Variants in STAG3 observed in about 807,000 individuals in gnomAD.
STAG3 encodes STAG3 cohesin complex component.
A neutral mutation model predicts 160.7 loss-of-function variants in STAG3; 101 were observed. The ratio of observed to expected loss-of-function variants is 0.63; its 90% CI spans 0.54 to 0.74. The LOEUF is 0.74. STAG3 is among the 30% of genes least tolerant of loss of function. The pLI is 0.00. For missense variants in STAG3, 1,188 were observed against 1,517.4 expected, an observed-to-expected ratio of 0.78 and a Z score of 3.61; for synonymous variants, 519 against 585.0, an observed-to-expected ratio of 0.89 and a Z score of 1.63.
At chr7:100,178,103 C>A (rs1231890774) in intron 1 of STAG3, 98 bp downstream of exon 1, 2 of 137,336 alleles carry the variant, frequency 1.5e-5, no homozygotes, top group East Asian at 2.2e-4. Context: ...CGCGACCCTC[C>A]CGGCCCTGAC....
intron 29 of STAG3, 103 bp downstream of exon 29, chr7:100,205,487 G>T: frequency 8.3e-7 from 1 of 1,206,066 alleles, no homozygotes; most frequent in South Asian, 1.7e-5. Flanking sequence ...TGTCATTCAG[G>T]GTATTAATTT....
intron 25 of STAG3, among the ~76,000 whole-genome samples, chr7:100,202,933 T>C (rs897989366): frequency 6.6e-6 from 1 of 152,160 alleles, no homozygotes; most frequent in African/African-American, 2.4e-5. Context: ...GATACCTAGA[T>C]AGGTGCCCCA....
chr7:100,189,066 TTCCTC>T, intron 7 of STAG3, 50 bp downstream of exon 7: 3 of 1,591,206 alleles, frequency 1.9e-6, no homozygotes, highest in Non-Finnish European at 2.6e-6. Flanking sequence ...TTATAGGACT[TTCCTC>T]TGTTCTCTGA....
At chr7:100,187,305 G>T (rs1435756498) in intron 5 of STAG3, among the ~76,000 whole-genome samples, 1 of 151,738 alleles carries the variant, frequency 6.6e-6, no homozygotes, top group Non-Finnish European at 1.5e-5. Flanking sequence ...TTACAGGCAT[G>T]AGCCATCGCG....
At chr7:100,182,374 AAAG>A (rs1167120471) in intron 3 of STAG3, among the ~76,000 whole-genome samples, 182 bp downstream of exon 3, 8 of 152,134 alleles carry the variant, frequency 5.3e-5, no homozygotes, top group Non-Finnish European at 1.0e-4. Context: ...AAAAAAAAGA[AAAG>A]AAAACCTAAA....
At chr7:100,189,646 A>T in intron 8 of STAG3, 50 bp downstream of exon 8, 1 of 1,577,106 alleles carries the variant, frequency 6.3e-7, no homozygotes, top group Non-Finnish European at 8.6e-7. Context: ...ACTTGCACCC[A>T]CTTCTGCCAC....
rs754258333 is a variant in STAG3 at position 100,195,289 on chromosome 7, C to T, written c.868-20C>T. ...TGTTAGGGTACAAGAAAGATTAACC[C>T]GTTTCTCCCTGTCCTCCAGCTCCAA... is the stretch of plus-strand genomic sequence containing the variant. On this transcript the variant is annotated intron_variant, in intron 8 of 33. Coordinates refer to ENST00000615138, the MANE Select transcript of STAG3 (RefSeq NM_001282717.2). 23 of 1,611,716 alleles carry T rather than the reference C, an allele frequency of 1.4e-5. No homozygotes were observed. The highest frequency in any genetic ancestry group is 1.7e-4 in the Middle Eastern group (1 of 6,060).
At chr7:100,180,465 G>C (rs1799571906) in intron 1 of STAG3, 28 bp from the exon 2 acceptor site, 1 of 762,416 alleles carries the variant, frequency 1.3e-6, no homozygotes, top group Non-Finnish European at 2.4e-6. Flanking sequence ...TGCTGTGGTA[G>C]GAGCCCTTTC....
At position 100,199,473 on chromosome 7, in the gene STAG3, G is replaced by A. The variant is rs956597291; in HGVS notation, c.1574-68G>A. ...CAAGGCAGCAACGGTGGCATCGGGT[G>A]GGGGGAGCTTGGAGTTGGAAGGTGG... On this transcript the variant is annotated intron_variant, in intron 15 of 33. Coordinates refer to ENST00000615138, the MANE Select transcript of STAG3 (RefSeq NM_001282717.2). The A allele has an allele frequency of 7.7e-6, 12 of 1,550,494 alleles. No homozygotes were observed. In the Admixed American group the frequency reaches 2.0e-4, roughly 26 times the overall value.
chr7:100,215,513 TGTG>T (rs1443263217), downstream of STAG3, among the ~76,000 whole-genome samples: 1 of 152,170 alleles, frequency 6.6e-6, no homozygotes, highest in Non-Finnish European at 1.5e-5. Flanking sequence ...GAGCCTGTTT[TGTG>T]GGATGAGGGA....
At chr7:100,192,253 A>G (rs1349414282) in intron 8 of STAG3, among the ~76,000 whole-genome samples, 3 of 152,336 alleles carry the variant, frequency 2.0e-5, no homozygotes, top group Non-Finnish European at 1.5e-5. Context: ...GGCCAGGCAC[A>G]GTGGCTCACA....
chr7:100,197,782 G>A lies in STAG3; in HGVS notation c.1070G>A (p.Arg357Gln), dbSNP rs759868692. 6 of 1,613,604 alleles carry A rather than the reference G, an allele frequency of 3.7e-6. No individual in the cohort carries two copies. Among genetic ancestry groups the A allele is most frequent in the South Asian group, 2.2e-5 (2 of 91,028 alleles). ...CTGGTTTTCCCTCCTCACCAGCACC[G>A]AGAAGTCCGCCTGAAGTGTGTGAAG... is the stretch of plus-strand genomic sequence containing the variant. ...YIGWTLHDKH[R>Q]EVRLKCVKAL... The change falls in exon 11 of 34, where the codon CGA (arginine) becomes CAA (glutamine). Residue 357 changes from arginine (R) to glutamine (Q), a missense_variant. By Grantham distance (43) the Arg-to-Gln change is conservative (BLOSUM62 1). Around this residue, in one of 4 missense-constraint regions of STAG3, gnomAD observed 240 missense variants for 358.1 expected, o/e 0.67. Transcript: ENST00000615138.
At chr7:100,189,284 G>C (rs1233713561) in intron 7 of STAG3, among the ~76,000 whole-genome samples, 161 bp from the exon 8 acceptor site, 1 of 152,164 alleles carries the variant, frequency 6.6e-6, no homozygotes, top group Non-Finnish European at 1.5e-5. Flanking sequence ...GGGTTCGAGG[G>C]AAACAGTCCA....
rs750996354 is a variant in STAG3 at position 100,211,470 on chromosome 7, T to A, written c.3449T>A (p.Phe1150Tyr). 12 of 1,613,800 alleles carry A rather than the reference T, an allele frequency of 7.4e-6. No individual in the cohort carries two copies. Among genetic ancestry groups the A allele is most frequent in the Admixed American group, 1.7e-5 (1 of 59,986 alleles). The change falls in exon 31 of 34, where the codon TTC becomes TAC. Residue 1150 changes from phenylalanine (F) to tyrosine (Y), a missense_variant. Around this residue, in one of 4 missense-constraint regions of STAG3, gnomAD observed 647 missense variants for 717.2 expected, o/e 0.90. Transcript: ENST00000615138. ...QPVAGTERSR[F>Y]LGPQYFQTPH... ...GTCGCAGGCACCGAGAGGTCAAGGT[T>A]CTTGGGTCCACAATATTTCCAGACT...
At chr7:100,184,667 C>T (rs941177058) in intron 4 of STAG3, among the ~76,000 whole-genome samples, 1 of 151,920 alleles carries the variant, frequency 6.6e-6, no homozygotes, top group Admixed American at 6.6e-5. Context: ...GGGGTTTCAC[C>T]GTGTTGGCCG....
Position 100,204,684 on chromosome 7 carries a change from T to G in STAG3, c.2860T>G (p.Phe954Val). Reference protein sequence around the residue: ...GPQGLNELPAFIEMRDLARRF... With the variant: ...GPQGLNELPAVIEMRDLARRF... ...CCAGGGCCTGAATGAGCTTCCTGCC[T>G]TCATCGAGATGAGGGACCTGGCCCG... The change falls in exon 27 of 34, where the codon TTC (phenylalanine) becomes GTC (valine). Residue 954 changes from phenylalanine to valine, a missense_variant. By Grantham distance (50) the Phe-to-Val change is conservative. This residue lies in a region of STAG3 where 647 missense variants were observed against 717.2 expected (regional missense o/e 0.90). Coordinates refer to ENST00000615138, the MANE Select transcript of STAG3 (RefSeq NM_001282717.2). 6.2e-7 allele frequency: 1 copy of G among 1,614,150 alleles called. No homozygotes were observed. Among genetic ancestry groups the G allele is most frequent in the Non-Finnish European group, 8.5e-7 (1 of 1,180,018 alleles).
intron 5 of STAG3, among the ~76,000 whole-genome samples, chr7:100,187,665 G>C (rs1055594643): frequency 6.6e-6 from 1 of 152,110 alleles, no homozygotes; most frequent in Non-Finnish European, 1.5e-5. Context: ...GTGTAGGCAA[G>C]TCGGCTTAAC....
At position 100,211,456 on chromosome 7, in the gene STAG3, C is replaced by T. The variant is rs760990229; in HGVS notation, c.3435C>T (p.Thr1145=). Residue 1145 remains threonine (T), a synonymous_variant, in exon 31 of 34, where the codon ACC becomes ACT. Transcript: ENST00000615138. ...FAQGSQPVAG[T]ERSRFLGPQY... ...CCAGCAGTCAGCCCGTCGCAGGCAC[C>T]GAGAGGTCAAGGTTCTTGGGTCCAC... 47 of 1,613,856 alleles carry T rather than the reference C, an allele frequency of 2.9e-5. No individual in the cohort carries two copies. Among genetic ancestry groups the T allele is most frequent in the South Asian group, 9.9e-5 (9 of 91,060 alleles).
intron 19 of STAG3, 42 bp downstream of exon 19, chr7:100,201,011 T>TG: frequency 6.2e-7 from 1 of 1,613,498 alleles, no homozygotes; most frequent in Non-Finnish European, 8.5e-7. Context: ...CAAACAAGGG[T>TG]GGGAGGGGCT....
Sources: allele counts gnomAD v4.1 joint callset (sites outside exome capture counted in the v4.1 genomes callset), GRCh38; gene constraint gnomAD v4.1.1; regional missense constraint gnomAD v4.1.1; transcripts MANE v1.5; gene names NCBI Gene and HGNC (gene_info 2026-07-23, HGNC 2026-07-21).